Variants in PLEKHN1 observed in about 807,000 individuals in gnomAD.
The protein encoded by PLEKHN1 is pleckstrin homology domain-containing family N member 1.
PLEKHN1 carries 68 observed loss-of-function variants against 72.8 expected under a neutral mutation model. The observed-to-expected ratio is 0.93, with a 90% CI of 0.77 to 1.14. The LOEUF (loss-of-function observed/expected upper bound fraction) is 1.14, where lower values mean the gene tolerates loss of function less well. Among genes scored for constraint, PLEKHN1 ranks in the 50% most tolerant of loss-of-function variants. PLEKHN1 has a pLI of 0.00. For missense variants in PLEKHN1, 1,015 were observed against 840.5 expected (o/e 1.21, Z -2.57); for synonymous variants, 454 against 371.6 (o/e 1.22, Z -2.55).
At position 966,529 on chromosome 1, in the gene PLEKHN1, G is replaced by T. The variant is rs992857572; in HGVS notation, c.-3G>T. Reference sequence around the variant, plus strand: ...AGACTTGCCGACCTGTACGACTCTGGCCATGGGGAACAGCCACTGTGTCCC... The same window carrying T: ...AGACTTGCCGACCTGTACGACTCTGTCCATGGGGAACAGCCACTGTGTCCC... On this transcript the variant is annotated 5_prime_UTR_variant, in exon 1 of 16. Transcript: ENST00000379410. 1 of 1,604,616 alleles carries T rather than the reference G, an allele frequency of 6.2e-7. No individual in the cohort carries two copies. Among genetic ancestry groups the T allele is most frequent in the Admixed American group, 1.7e-5 (1 of 59,714 alleles).
In PLEKHN1 at chr1:972,324, G is replaced by A; in HGVS notation, c.902G>A (p.Ser301Asn). Reference protein sequence around the residue: ...LINTIRVVCASYEDYGHWLLC... With the variant: ...LINTIRVVCANYEDYGHWLLC... ...AACACCATCCGCGTGGTGTGCGCCA[G>A]CTACGAGGACTACGGTCACTGGCTG... Residue 301 changes from serine (S) to asparagine (N), a missense_variant, in exon 10 of 16, where the codon AGC becomes AAC. Coordinates refer to ENST00000379410, the MANE Select transcript of PLEKHN1 (RefSeq NM_032129.3). 1 of 1,612,632 alleles carries A rather than the reference G, an allele frequency of 6.2e-7. No homozygotes were observed.
At position 973,063 on chromosome 1, in the gene PLEKHN1, G is replaced by A; in HGVS notation, c.1152+53G>A. ...AGTGGGGCAGAAGGCTGTCGGGTAG[G>A]TGTGTGTTGGGGACCCTGGTTCCTC... On this transcript the variant is annotated intron_variant, in intron 11 of 15. Transcript: ENST00000379410. 3 of 1,557,392 alleles carry A rather than the reference G, an allele frequency of 1.9e-6. No individual in the cohort carries two copies. In the South Asian group the frequency reaches 3.5e-5, roughly 18 times the overall value.
At position 973,850 on chromosome 1, in the gene PLEKHN1, G is replaced by C; in HGVS notation, c.1452G>C (p.Gln484His). 1 of 1,610,092 alleles carries C rather than the reference G, an allele frequency of 6.2e-7. No individual in the cohort carries two copies. Among genetic ancestry groups the C allele is most frequent in the Non-Finnish European group, 8.5e-7 (1 of 1,179,784 alleles). The change falls in exon 14 of 16, where the codon CAG (glutamine) becomes CAC (histidine). Residue 484 changes from glutamine (Q) to histidine (H), a missense_variant. Transcript: ENST00000379410. Reference protein sequence around the residue: ...RGLEEFLSAMQSARGPTPSSP... With the variant: ...RGLEEFLSAMHSARGPTPSSP... ...CCCTGCAGTTCCTCAGTGCCATGCAGAGTGCACGTGGACCCACGCCCTCGA... is the reference window on the plus strand; with the variant it reads ...CCCTGCAGTTCCTCAGTGCCATGCACAGTGCACGTGGACCCACGCCCTCGA...
At chr1:973,137 C>T (rs767065285) in intron 11 of PLEKHN1, 49 bp from the exon 12 acceptor site, 77 of 1,495,906 alleles carry the variant, frequency 5.1e-5, no homozygotes, top group African/African-American at 4.2e-4. Context: ...GAGAGTTGCA[C>T]GGGAGAGGGG....
chr1:966,593 A>G lies in PLEKHN1; in HGVS notation c.62A>G (p.Lys21Arg), dbSNP rs745401096. The G allele has an allele frequency of 1.2e-6, 2 of 1,610,918 alleles. No individual in the cohort carries two copies. Among genetic ancestry groups the G allele is most frequent in the Non-Finnish European group, 1.7e-6 (2 of 1,178,702 alleles). The part of the protein sequence containing the change: ...PRRLRASFSR[K>R]PSLKGNREDS... ...AGGCTCCGGGCCTCCTTCTCCAGAA[A>G]GCCCTCGCTGAAGGGAAACAGGTGA... The change falls in exon 1 of 16, where the codon AAG becomes AGG. Residue 21 changes from lysine to arginine, a missense_variant. Lys to Arg is a conservative substitution (Grantham distance 26). Transcript: ENST00000379410.
At position 973,341 on chromosome 1, in the gene PLEKHN1, C is replaced by A; in HGVS notation, c.1293+15C>A. 6.4e-7 allele frequency: 1 copy of A among 1,550,812 alleles called. No homozygotes were observed. The highest frequency in any genetic ancestry group is 1.2e-5 in the South Asian group (1 of 83,984). ...ACCTGACCCAGGTGGGCCCAGCACA[C>A]CCACACAGCCCCTGGCCTGGTTCCC... On this transcript the variant is annotated intron_variant, in intron 12 of 15. Coordinates refer to ENST00000379410, the MANE Select transcript of PLEKHN1 (RefSeq NM_032129.3).
rs1557641061 is a variant in PLEKHN1 at position 966,707 on chromosome 1, G to A, written c.87G>A (p.Glu29=). The change falls in exon 2 of 16, where the codon GAG becomes GAA. Residue 29 remains glutamate, a synonymous_variant. Transcript: ENST00000379410. Reference sequence around the variant, plus strand: ...AGACCCCTTGCCTTGTCCCCAGAGAGGACAGCGCGCGGATGTCGGCCGGCC... The same window carrying A: ...AGACCCCTTGCCTTGTCCCCAGAGAAGACAGCGCGCGGATGTCGGCCGGCC... The part of the protein sequence containing the change: ...SRKPSLKGNR[E]DSARMSAGLP... 6.3e-7 allele frequency: 1 copy of A among 1,577,078 alleles called. No individual in the cohort carries two copies. The highest frequency in any genetic ancestry group is 8.6e-7 in the Non-Finnish European group (1 of 1,161,712).
Position 966,918 on chromosome 1 carries a change from C to G in PLEKHN1, c.183+115C>G, listed in dbSNP as rs952069077. On this transcript the variant is annotated intron_variant, in intron 2 of 15. Transcript: ENST00000379410. ...CCTCGCCCCCGGGGCGTTCAGACCCCGGTAGGTGAGGAGCCGACGCTGACT... is the reference window on the plus strand; with the variant it reads ...CCTCGCCCCCGGGGCGTTCAGACCCGGGTAGGTGAGGAGCCGACGCTGACT... The G allele has an allele frequency of 5.3e-5, 62 of 1,178,690 alleles. 1 individual carries two copies. The highest frequency in any genetic ancestry group is 4.5e-4 in the Admixed American group (16 of 35,208). The allele number at this position is 1,178,690 out of a possible 1,614,324, so 73.0% of individuals were successfully genotyped here. A position where few individuals can be genotyped will look rare whatever the true frequency, so the allele number is the denominator to read the frequency against.
Position 970,919 on chromosome 1 carries a change from G to A in PLEKHN1, c.525G>A (p.Arg175=). Residue 175 remains arginine (R), a synonymous_variant, in exon 6 of 16, where the codon CGG becomes CGA. Transcript: ENST00000379410. This position sits in a 1 kb window ranked among gnomAD's most constrained non-coding sequence, Gnocchi z 4.2. ...PAPLLVLCPS[R]AELDRWLYHL... ...CCCTCCTGGTGCTCTGCCCCAGCCG[G>A]GCCGAGCTGGACCGCTGGCTTTACC... is the stretch of plus-strand genomic sequence containing the variant. 6.2e-7 allele frequency: 1 copy of A among 1,610,718 alleles called. No individual in the cohort carries two copies. The highest frequency in any genetic ancestry group is 1.3e-5 in the African/African-American group (1 of 75,010).
rs1053032521 is a variant in PLEKHN1, at chr1:972,883, C to T, written c.1025C>T (p.Ser342Leu). The change falls in exon 11 of 16, where the codon TCA becomes TTA. Residue 342 changes from serine (S) to leucine (L), a missense_variant. Physicochemically the swap from Ser to Leu is moderately radical, Grantham distance 145 (BLOSUM62 -2). Transcript: ENST00000379410. ...CAGGTTATGGGCAGTGGCCGAGGCT[C>T]ACTCTCCTCAGGCGGACAGACCAGC... ...GSQVMGSGRG[S>L]LSSGGQTSWD... 1.3e-6 allele frequency: 2 copies of T among 1,557,122 alleles called. No individual in the cohort carries two copies. The highest frequency in any genetic ancestry group is 2.7e-5 in the African/African-American group (2 of 73,742).
rs1643317971 is a variant in PLEKHN1 at position 971,335 on chromosome 1, C to T, written c.720C>T (p.Asp240=). 6.4e-7 allele frequency: 1 copy of T among 1,574,760 alleles called. No individual in the cohort carries two copies. Among genetic ancestry groups the T allele is most frequent in the African/African-American group, 1.4e-5 (1 of 74,000 alleles). ...CCCCACCCACCCAGGAGCAGTGGGACCGGCTCTTGGTCCTGTACCCAACGT... is the reference window on the plus strand; with the variant it reads ...CCCCACCCACCCAGGAGCAGTGGGATCGGCTCTTGGTCCTGTACCCAACGT... The part of the protein sequence containing the change: ...LQHLPAQEQW[D]RLLVLYPTSL... The change falls in exon 8 of 16, where the codon GAC becomes GAT. Residue 240 remains aspartate (D), a synonymous_variant. Coordinates refer to ENST00000379410, the MANE Select transcript of PLEKHN1 (RefSeq NM_032129.3).
chr1:973,064 T>G, intron 11 of PLEKHN1, 54 bp downstream of exon 11: 2 of 1,556,476 alleles, frequency 1.3e-6, no homozygotes. Context: ...GTCGGGTAGG[T>G]GTGTGTTGGG....
intron 2 of PLEKHN1, among the ~76,000 whole-genome samples, 181 bp downstream of exon 2, chr1:966,984 GAGA>G (rs1643028179): frequency 6.6e-6 from 1 of 152,230 alleles, no homozygotes; most frequent in Non-Finnish European, 1.5e-5. Flanking sequence ...AGTCTGAGCG[GAGA>G]GCGAAACCGC....
chr1:972,320 G>A lies in PLEKHN1; in HGVS notation c.898G>A (p.Ala300Thr), dbSNP rs778258860. The A allele has an allele frequency of 1.4e-5, 23 of 1,612,482 alleles. No individual in the cohort carries two copies. The Admixed American group carries it at 1.5e-4, about 11-fold the overall frequency. ...PLINTIRVVC[A>T]SYEDYGHWLL... ...CATCAACACCATCCGCGTGGTGTGC[G>A]CCAGCTACGAGGACTACGGTCACTG... is the stretch of plus-strand genomic sequence containing the variant. The change falls in exon 10 of 16, where the codon GCC becomes ACC. Residue 300 changes from alanine (A) to threonine (T), a missense_variant. Coordinates refer to ENST00000379410, the MANE Select transcript of PLEKHN1 (RefSeq NM_032129.3).
chr1:974,005 G>A lies in PLEKHN1; in HGVS notation c.1607G>A (p.Gly536Asp). 1.2e-6 allele frequency: 2 copies of A among 1,604,036 alleles called. No homozygotes were observed. Among genetic ancestry groups the A allele is most frequent in the Non-Finnish European group, 1.7e-6 (2 of 1,177,598 alleles). ...LQSRAAQRHR[G>D]SAKDGGPQPP... ...TCCAGAGCCGCTCAGAGACACCGGGGCTCAGCCAAGGATGGGGGGCCGCAG... is the reference window on the plus strand; with the variant it reads ...TCCAGAGCCGCTCAGAGACACCGGGACTCAGCCAAGGATGGGGGGCCGCAG... The change falls in exon 14 of 16, where the codon GGC (glycine) becomes GAC (aspartate). Residue 536 changes from glycine (G) to aspartate (D), a missense_variant. Gly to Asp is a moderately conservative substitution (Grantham distance 94). Transcript: ENST00000379410.
chr1:971,404 G>GGTGGGCCCCTCCCCACT lies in PLEKHN1; in HGVS notation c.789+9_789+25dup, dbSNP rs770259609. 29 of 1,576,164 alleles carry GGTGGGCCCCTCCCCACT rather than the reference G, an allele frequency of 1.8e-5. No homozygotes were observed. The East Asian group carries it at 6.8e-4, about 37-fold the overall frequency. ...AGGAGCTGGACGGGCTTTGCTTCAA[G>GGTGGGCCCCTCCCCACT]GTGGGCCCCTCCCCACTGTGGGCCC... On this transcript the variant is annotated frameshift_variant and splice_region_variant. Coordinates refer to ENST00000379410, the MANE Select transcript of PLEKHN1 (RefSeq NM_032129.3). LOFTEE classifies it high-confidence loss of function.
chr1:973,007 A>G lies in PLEKHN1; in HGVS notation c.1149A>G (p.Thr383=). Residue 383 remains threonine, a synonymous_variant, in exon 11 of 16, where the codon ACA becomes ACG. Coordinates refer to ENST00000379410, the MANE Select transcript of PLEKHN1 (RefSeq NM_032129.3). ...PSTVGCSSQH[T]PDQANSDRAS... ...CCGTGGGCTGCTCCTCCCAGCACAC[A>G]CCGGTGAGCGCTTACGGGGTGGCAG... 3 of 1,598,348 alleles carry G rather than the reference A, an allele frequency of 1.9e-6. No homozygotes were observed. The highest frequency in any genetic ancestry group is 2.6e-6 in the Non-Finnish European group (3 of 1,172,314).
chr1:971,197 C>G lies in PLEKHN1; in HGVS notation c.697C>G (p.Leu233Val). ...TGCCTCGAGGGTCAAGCTGCAGCACCTGCCCGCACAGGTGGGTGGGAGGTG... is the reference window on the plus strand; with the variant it reads ...TGCCTCGAGGGTCAAGCTGCAGCACGTGCCCGCACAGGTGGGTGGGAGGTG... Reference protein sequence around the residue: ...VCASRVKLQHLPAQEQWDRLL... With the variant: ...VCASRVKLQHVPAQEQWDRLL... The change falls in exon 7 of 16, where the codon CTG becomes GTG. Residue 233 changes from leucine to valine, a missense_variant. Transcript: ENST00000379410. The G allele has an allele frequency of 6.3e-7, 1 of 1,581,420 alleles. No individual in the cohort carries two copies. The highest frequency in any genetic ancestry group is 8.6e-7 in the Non-Finnish European group (1 of 1,164,102).
intron 2 of PLEKHN1, among the ~76,000 whole-genome samples, chr1:967,173 C>G (rs572839552): frequency 7.2e-5 from 11 of 152,204 alleles, no homozygotes; most frequent in African/African-American, 2.6e-4. Context: ...GAGCAGCGAG[C>G]CAGCCGGTCA....
Sources: allele counts gnomAD v4.1 joint callset (sites outside exome capture counted in the v4.1 genomes callset), GRCh38; gene constraint gnomAD v4.1.1; non-coding constraint Gnocchi (gnomAD v3.1); transcripts MANE v1.5; gene names NCBI Gene and HGNC (gene_info 2026-07-23, HGNC 2026-07-21).